The following DHRSX variants were observed in gnomAD, a reference collection of about 807,000 sequenced individuals.
The protein encoded by DHRSX is polyprenol dehydrogenase.
DHRSX carries 31 observed loss-of-function variants against 34.0 expected under a neutral mutation model. That is an observed-to-expected ratio of 0.91 (90% CI 0.69 to 1.23). DHRSX has a LOEUF of 1.23. Among genes scored for constraint, DHRSX ranks in the 50% most tolerant of loss-of-function variants. DHRSX has a pLI of 0.00. For synonymous variants in DHRSX, 201 were observed against 183.8 expected (o/e 1.09, Z -0.76); for missense variants, 414 against 428.1 (o/e 0.97, Z 0.29).
chrX:2,344,714 G>T (rs139238704), intron 3 of DHRSX, among the ~76,000 whole-genome samples: 1,824 of 151,718 alleles, frequency 0.012, 38 homozygotes, highest in African/African-American at 0.042. Context: ...GGGTCTGTCA[G>T]GGGGTCAGGG....
At chrX:2,327,179 T>G (rs1169969917) in intron 3 of DHRSX, among the ~76,000 whole-genome samples, 1 of 152,232 alleles carries the variant, frequency 6.6e-6, no homozygotes, top group Non-Finnish European at 1.5e-5. Context: ...GGCCATGTAC[T>G]CAGCCATTCC....
chrX:2,396,377 T>TTTTTC (rs1373159241), intron 3 of DHRSX, among the ~76,000 whole-genome samples: 3 of 128,930 alleles, frequency 2.3e-5, no homozygotes, highest in Non-Finnish European at 4.8e-5. Context: ...TTCTTTTTCT[T>TTTTTC]TTTTTTTTTT....
intron 3 of DHRSX, among the ~76,000 whole-genome samples, chrX:2,309,379 C>T (rs1445498946): frequency 1.3e-5 from 2 of 151,778 alleles, no homozygotes; most frequent in East Asian, 3.9e-4. Flanking sequence ...GCAGGAATTG[C>T]TTGATGAGTA....
rs374647758 is a variant in DHRSX at position 2,339,960 on chromosome X, G to A, written c.287-48357C>T. On this transcript the variant is annotated intron_variant, in intron 3 of 6. Transcript: ENST00000334651. The stretch of plus-strand genomic sequence containing the variant: ...AATCCCCACACTGTCTTCCACAATG[G>A]TTGAACTAATTTACACTCCCACCAA... Among the ~76,000 whole-genome samples, 4 of 152,196 alleles carry A rather than the reference G, an allele frequency of 2.6e-5. No individual in the cohort carries two copies. The East Asian group carries it at 5.8e-4, about 22-fold the overall frequency.
intron 1 of DHRSX, among the ~76,000 whole-genome samples, chrX:2,485,692 G>A (rs1246466680): frequency 1.4e-5 from 1 of 72,918 alleles, no homozygotes; most frequent in Non-Finnish European, 2.5e-5. Flanking sequence ...AAGGGAGGCA[G>A]AGAGGGAGGG....
intron 3 of DHRSX, among the ~76,000 whole-genome samples, chrX:2,385,226 C>T (rs1258603645): frequency 1.3e-5 from 2 of 151,850 alleles, no homozygotes; most frequent in African/African-American, 4.8e-5. Context: ...CCATCATCAT[C>T]ATTTAGGGAA....
At chrX:2,490,914 G>T (rs2045120436) in intron 1 of DHRSX, 2 of 693,190 alleles carry the variant, frequency 2.9e-6, no homozygotes, top group South Asian at 1.9e-5. Context: ...CTTCCTTGCG[G>T]GTCACTTTTG....
chrX:2,283,520 A>C (rs1367955939), intron 4 of DHRSX, among the ~76,000 whole-genome samples: 5 of 152,024 alleles, frequency 3.3e-5, no homozygotes, highest in Non-Finnish European at 5.9e-5. Flanking sequence ...GTGGAGCCCG[A>C]GTCACATAGA....
chrX:2,245,683 C>T (rs977924361), intron 5 of DHRSX, among the ~76,000 whole-genome samples: 7 of 147,810 alleles, frequency 4.7e-5, no homozygotes, highest in Non-Finnish European at 7.4e-5. Context: ...TATGGCCAGA[C>T]GCAGTGGCTC....
intron 4 of DHRSX, among the ~76,000 whole-genome samples, chrX:2,288,384 C>T (rs1231855178): frequency 4.6e-5 from 7 of 152,066 alleles, no homozygotes; most frequent in South Asian, 2.1e-4. Flanking sequence ...TACAGGCATG[C>T]GCCACCATGC....
In DHRSX at chrX:2,500,877, C is replaced by T. The variant is rs1307525380; in HGVS notation, c.49G>A (p.Gly17Ser). The change falls in exon 1 of 7, where the codon GGC (glycine) becomes AGC (serine). Residue 17 changes from glycine (G) to serine (S), a missense_variant. Physicochemically the swap from Gly to Ser is moderately conservative, Grantham distance 56. Transcript: ENST00000334651. ...ARAALRVYAV[G>S]AAVILAQLLR... ...AGCTGCGCCAGGATCACCGCGGCGC[C>T]TACCGCGTAGACCCGCAGGGCCGCC... 2.7e-5 allele frequency: 31 copies of T among 1,157,878 alleles called. No homozygotes were observed. Among genetic ancestry groups the T allele is most frequent in the Middle Eastern group, 7.2e-4 (2 of 2,764 alleles). The allele number at this position is 1,157,878 out of a possible 1,614,324, so 71.7% of individuals were successfully genotyped here.
intron 1 of DHRSX, among the ~76,000 whole-genome samples, chrX:2,443,516 C>T (rs557336174): frequency 7.9e-5 from 12 of 152,224 alleles, no homozygotes; most frequent in Admixed American, 5.2e-4. Flanking sequence ...CACCCCGAAA[C>T]GAGACCCTGT....
chrX:2,457,829 G>T (rs918568821), intron 1 of DHRSX, among the ~76,000 whole-genome samples: 2 of 151,154 alleles, frequency 1.3e-5, no homozygotes, highest in Non-Finnish European at 2.9e-5. Context: ...CCCTAAGCTT[G>T]TGGCTAAGGG....
chrX:2,375,616 C>T (rs181216663), intron 3 of DHRSX, among the ~76,000 whole-genome samples: 3 of 133,982 alleles, frequency 2.2e-5, no homozygotes, highest in Admixed American at 7.5e-5. Context: ...GTTGGTTGGT[C>T]GGTTGGTTGG....
chrX:2,277,409 G>GA (rs1489688914), intron 4 of DHRSX, among the ~76,000 whole-genome samples: 2 of 57,822 alleles, frequency 3.5e-5, no homozygotes, highest in East Asian at 8.2e-4. Flanking sequence ...GAGAGAAGGA[G>GA]GGGAGGAAAT....
chrX:2,230,943 T>C (rs1391813717), intron 6 of DHRSX, among the ~76,000 whole-genome samples: 4 of 152,136 alleles, frequency 2.6e-5, no homozygotes, highest in Admixed American at 2.6e-4. Flanking sequence ...TTGAACGGTC[T>C]CAATGGCAGA....
At chrX:2,338,728 A>T (rs1389912705) in intron 3 of DHRSX, among the ~76,000 whole-genome samples, 5 of 152,084 alleles carry the variant, frequency 3.3e-5, no homozygotes, top group Non-Finnish European at 5.9e-5. Context: ...CAGCAGAGAC[A>T]GATGCTGGCC....
intron 1 of DHRSX, among the ~76,000 whole-genome samples, chrX:2,430,897 C>T (rs986061737): frequency 4.6e-5 from 7 of 151,966 alleles, no homozygotes; most frequent in East Asian, 1.9e-4. Flanking sequence ...TGGTGGCACA[C>T]GGCTGTCATC....
chrX:2,246,746 AAG>A (rs199709418), intron 5 of DHRSX, among the ~76,000 whole-genome samples: 19,217 of 91,032 alleles, frequency 0.21, 1,786 homozygotes, highest in Non-Finnish European at 0.34. Context: ...GAAAGAAAGA[AAG>A]AAAAAGAAAG....
Sources: gnomAD v4.1 joint callset for allele counts (sites outside exome capture counted in the v4.1 genomes callset) on GRCh38, gnomAD v4.1.1 for gene constraint, MANE v1.5 for transcripts, NCBI Gene and HGNC (gene_info 2026-07-23, HGNC 2026-07-21) for gene names.